Variants in SLC4A7 observed in about 807,000 individuals in gnomAD.
SLC4A7 encodes the protein sodium bicarbonate cotransporter 3.
A neutral mutation model predicts 137.6 loss-of-function variants in SLC4A7; 51 were observed. The ratio of observed to expected loss-of-function variants is 0.37; its 90% CI spans 0.30 to 0.47. SLC4A7 has a LOEUF of 0.47. SLC4A7 is among the 20% of genes least tolerant of loss of function. The pLI is 1.00. For synonymous variants in SLC4A7, 542 were observed against 518.6 expected (o/e 1.05, Z -0.61); for missense variants, 1,247 against 1,525.4 (o/e 0.82, Z 3.04).
At chr3:27,448,581 C>A (rs1243506634) in intron 3 of SLC4A7, 70 bp downstream of exon 3, 1 of 1,330,602 alleles carries the variant, frequency 7.5e-7, no homozygotes, top group African/African-American at 1.5e-5. Context: ...AAGAAATATT[C>A]AATTAAAAGA....
chr3:27,474,834 G>GT (rs1341008328), intron 1 of SLC4A7, among the ~76,000 whole-genome samples: 1 of 152,046 alleles, frequency 6.6e-6, no homozygotes, highest in Non-Finnish European at 1.5e-5. Context: ...CAACAAACCA[G>GT]TATCAGGCCA....
intron 10 of SLC4A7, among the ~76,000 whole-genome samples, chr3:27,420,330 C>T (rs986728669): frequency 1.3e-5 from 2 of 151,728 alleles, no homozygotes; most frequent in Non-Finnish European, 2.9e-5. Flanking sequence ...TGTAGGTTAT[C>T]GTCAAAGATC....
chr3:27,373,468 T>C lies in SLC4A7; in HGVS notation c.*3296A>G, dbSNP rs2049697439. 6.6e-6 allele frequency: 1 copy of C among 152,314 alleles called. No individual in the cohort carries two copies. The highest frequency in any genetic ancestry group is 1.5e-5 in the Non-Finnish European group (1 of 67,990). The allele number at this position is 152,314 out of a possible 1,614,324, so 9.4% of individuals were successfully genotyped here. ...TGCATACGATAAAAATGATGTGATC[T>C]ACATAAATAAATTTAAAACATTAAG... On this transcript the variant is annotated 3_prime_UTR_variant, in exon 26 of 26. Transcript: ENST00000454389.
At position 27,404,892 on chromosome 3, in the gene SLC4A7, T is replaced by C. The variant is rs1272085457; in HGVS notation, c.2013A>G (p.Leu671=). ...IAYSLFAGQP[L]TILGSTGPVL... ...CTGGACCTGTGCTCCCCAATATTGT[T>C]AGAGGTTGCCCAGCAAACAATGAAT... Residue 671 remains leucine, a synonymous_variant, in exon 14 of 26, where the codon CTA becomes CTG. Coordinates refer to ENST00000454389, the MANE Select transcript of SLC4A7 (RefSeq NM_001321103.2). 1 of 1,611,106 alleles carries C rather than the reference T, an allele frequency of 6.2e-7. No individual in the cohort carries two copies. The highest frequency in any genetic ancestry group is 2.2e-5 in the East Asian group (1 of 44,790).
chr3:27,398,315 A>C lies in SLC4A7; in HGVS notation c.2466T>G (p.Ala822=), dbSNP rs1449344092. The C allele has an allele frequency of 1.2e-6, 2 of 1,611,444 alleles. No homozygotes were observed. The highest frequency in any genetic ancestry group is 2.2e-5 in the South Asian group (2 of 90,544). ...GAATATAAGGTCCATGATGACCACA[A>C]GCTGACCCCAAGAATACACCACGAA... The part of the protein sequence containing the change: ...KKLRGVFLGS[A]CGHHGPYIPD... The change falls in exon 17 of 26, where the codon GCT becomes GCG. Residue 822 remains alanine (A), a synonymous_variant. Coordinates refer to ENST00000454389, the MANE Select transcript of SLC4A7 (RefSeq NM_001321103.2).
Position 27,400,771 on chromosome 3 carries a change from G to T in SLC4A7, c.2420C>A (p.Thr807Asn). 1 of 1,565,520 alleles carries T rather than the reference G, an allele frequency of 6.4e-7. No individual in the cohort carries two copies. Among genetic ancestry groups the T allele is most frequent in the Non-Finnish European group, 8.8e-7 (1 of 1,137,552 alleles). ...TAHNISWRNL[T>N]VSECKKLRGV... ...ATTTCAAAATATACTCACAGAAACA[G>T]TAAGATTTCTCCAGGAAATATTGTG... is the stretch of plus-strand genomic sequence containing the variant. The change falls in exon 16 of 26, where the codon ACT (threonine) becomes AAT (asparagine). Residue 807 changes from threonine (T) to asparagine (N), a missense_variant. Thr to Asn is a moderately conservative substitution (Grantham distance 65). Coordinates refer to ENST00000454389, the MANE Select transcript of SLC4A7 (RefSeq NM_001321103.2).
chr3:27,436,556 C>G lies in SLC4A7; in HGVS notation c.429-8G>C, dbSNP rs371505881. The G allele has an allele frequency of 6.4e-7, 1 of 1,564,824 alleles. No homozygotes were observed. The highest frequency in any genetic ancestry group is 8.7e-7 in the Non-Finnish European group (1 of 1,144,338). On this transcript the variant is annotated splice_polypyrimidine_tract_variant and splice_region_variant and intron_variant, in intron 4 of 25. Coordinates refer to ENST00000454389, the MANE Select transcript of SLC4A7 (RefSeq NM_001321103.2). ...TCTTCAAATTTCAGCCATCTGAATG[C>G]ATAATGTATAAAAATATTTTATAAG... is the stretch of plus-strand genomic sequence containing the variant.
At chr3:27,462,614 C>G (rs1030522842) in intron 1 of SLC4A7, 1 of 160,434 alleles carries the variant, frequency 6.2e-6, no homozygotes, top group Non-Finnish European at 1.4e-5. Context: ...GGAAAGGAAT[C>G]TTAAAAGGAC....
chr3:27,418,601 T>A lies in SLC4A7; in HGVS notation c.1544A>T (p.Asp515Val), dbSNP rs769722179. ...IFHDVAYKAK[D>V]RNDLLSGIDE... ...AATTCCAGATAAGAGGTCATTTCTG[T>A]CTTTTGCTTTATAAGCTACATCATG... The change falls in exon 11 of 26, where the codon GAC becomes GTC. Residue 515 changes from aspartate (D) to valine (V), a missense_variant. Physicochemically the swap from Asp to Val is radical, Grantham distance 152. Coordinates refer to ENST00000454389, the MANE Select transcript of SLC4A7 (RefSeq NM_001321103.2). 1 of 1,595,960 alleles carries A rather than the reference T, an allele frequency of 6.3e-7. No individual in the cohort carries two copies. The highest frequency in any genetic ancestry group is 8.6e-7 in the Non-Finnish European group (1 of 1,165,764).
chr3:27,435,193 A>G (rs1220240990), intron 5 of SLC4A7, among the ~76,000 whole-genome samples: 2 of 152,146 alleles, frequency 1.3e-5, no homozygotes, highest in Non-Finnish European at 1.5e-5. Context: ...TTTCCATGGG[A>G]GCAATCTACA....
chr3:27,436,479 G>A lies in SLC4A7; in HGVS notation c.498C>T (p.Leu166=). 18 of 1,613,530 alleles carry A rather than the reference G, an allele frequency of 1.1e-5. No homozygotes were observed. The highest frequency in any genetic ancestry group is 1.5e-5 in the Non-Finnish European group (18 of 1,179,570). Residue 166 remains leucine (L), a synonymous_variant, in exon 5 of 26, where the codon CTC becomes CTT. Transcript: ENST00000454389. ...DRWSKPYVAT[L]SLHSLFELRS... ...TTAGTTCAAAAAGACTGTGCAAAGA[G>A]AGAGTTGCCACATAAGGTTTACTCC...
At chr3:27,429,243 C>T (rs9848210) in intron 7 of SLC4A7, among the ~76,000 whole-genome samples, 6,352 of 151,542 alleles carry the variant, frequency 0.042, 164 homozygotes, top group East Asian at 0.066. Flanking sequence ...TCCAGCCTGG[C>T]GACAAAGCGA....
chr3:27,475,518 T>C (rs1040266844), intron 1 of SLC4A7, among the ~76,000 whole-genome samples: 3 of 152,116 alleles, frequency 2.0e-5, no homozygotes, highest in Admixed American at 6.6e-5. Flanking sequence ...AATTTTACCT[T>C]GTTTTGAAAA....
chr3:27,421,168 T>G (rs2054930423), intron 9 of SLC4A7, among the ~76,000 whole-genome samples: 1 of 151,892 alleles, frequency 6.6e-6, no homozygotes. Flanking sequence ...AGTCTTATAT[T>G]CAAAGTATTT....
chr3:27,409,674 G>C (rs896441518), intron 12 of SLC4A7, 144 bp from the exon 13 acceptor site: 1 of 583,266 alleles, frequency 1.7e-6, no homozygotes, highest in African/African-American at 1.9e-5. Context: ...ATAAATTACA[G>C]AAGATACACT....
intron 1 of SLC4A7, among the ~76,000 whole-genome samples, chr3:27,482,320 T>C (rs1559864978): frequency 2.0e-5 from 3 of 152,212 alleles, no homozygotes; most frequent in Non-Finnish European, 1.5e-5. Context: ...GCAGGCAATA[T>C]TTGAGAACAC....
intron 3 of SLC4A7, among the ~76,000 whole-genome samples, chr3:27,442,436 AT>A (rs2057271190): frequency 7.9e-6 from 1 of 127,108 alleles, no homozygotes; most frequent in East Asian, 2.7e-4. Context: ...ACTACAGCTC[AT>A]TTTCTTTTTT....
At chr3:27,422,259 A>C (rs2150308134) in intron 8 of SLC4A7, among the ~76,000 whole-genome samples, 1 of 152,252 alleles carries the variant, frequency 6.6e-6, no homozygotes, top group South Asian at 2.1e-4. Flanking sequence ...AAAAATCATT[A>C]CTTTTATTTC....
At chr3:27,396,911 G>GT (rs1199216857) in intron 18 of SLC4A7, among the ~76,000 whole-genome samples, 1 of 152,016 alleles carries the variant, frequency 6.6e-6, no homozygotes, top group Non-Finnish European at 1.5e-5. Flanking sequence ...AACACACTTC[G>GT]TTTTCTCCTT....
Sources: gnomAD v4.1 joint callset for allele counts (sites outside exome capture counted in the v4.1 genomes callset) on GRCh38, gnomAD v4.1.1 for gene constraint, MANE v1.5 for transcripts, NCBI Gene and HGNC (gene_info 2026-07-23, HGNC 2026-07-21) for gene names.